EFCAB11: variants seen among roughly 807,000 people sequenced by gnomAD.
EFCAB11 encodes EF-hand calcium binding domain 11.
EFCAB11 carries 14 observed loss-of-function variants against 23.0 expected under a neutral mutation model. The observed-to-expected ratio is 0.61, with a 90% confidence interval of 0.40 to 0.95. The LOEUF is 0.95. EFCAB11 is among the 40% of genes least tolerant of loss of function. The probability of loss-of-function intolerance (pLI) is 0.00; values close to 1 mark genes in which losing one functional copy is unlikely to be tolerated. For synonymous variants in EFCAB11, 65 were observed against 66.6 expected (o/e 0.98, Z 0.11); for missense variants, 198 against 195.8 (o/e 1.01, Z -0.07).
In EFCAB11 at chr14:89,876,998, C is replaced by G. The variant is rs1888461167; in HGVS notation, c.410+54543G>C. Among the ~76,000 whole-genome samples the G allele has an allele frequency of 2.6e-5, 4 of 152,134 alleles. No individual in the cohort carries two copies. The South Asian group carries it at 8.3e-4, about 32-fold the overall frequency. ...GGATAGGTCAGAGAGGCATGTTTGA[C>G]TGAGATAGTCAGAGTACTATCTACT... is the stretch of plus-strand genomic sequence containing the variant. On this transcript the variant is annotated intron_variant, in intron 5 of 5. Transcript: ENST00000316738.
intron 5 of EFCAB11, among the ~76,000 whole-genome samples, chr14:89,910,743 A>G (rs1889651385): frequency 6.6e-6 from 1 of 152,206 alleles, no homozygotes; most frequent in South Asian, 2.1e-4. Context: ...GAGTGTTGCC[A>G]GCTTCACTCG....
At chr14:89,841,500 C>T (rs932803022) in intron 5 of EFCAB11, among the ~76,000 whole-genome samples, 5 of 151,866 alleles carry the variant, frequency 3.3e-5, no homozygotes, top group East Asian at 1.9e-4. Context: ...CCTACTGGAG[C>T]GTGCCATTCT....
intron 5 of EFCAB11, among the ~76,000 whole-genome samples, chr14:89,881,452 C>CATATATATATATATATATATACATAT (rs10530483): frequency 0.095 from 4,441 of 46,708 alleles, 746 homozygotes; most frequent in African/African-American, 0.19. Context: ...TATGACTTGG[C>CATATATATATATATATATATACATAT]ATATATATAT....
chr14:89,882,400 T>C (rs2140177236), intron 5 of EFCAB11, among the ~76,000 whole-genome samples: 1 of 152,290 alleles, frequency 6.6e-6, no homozygotes, highest in Non-Finnish European at 1.5e-5. Flanking sequence ...TTCCCCACCA[T>C]GGACAAAGAA....
intron 5 of EFCAB11, among the ~76,000 whole-genome samples, chr14:89,848,183 A>G (rs1328034879): frequency 1.3e-5 from 2 of 152,210 alleles, no homozygotes; most frequent in African/African-American, 2.4e-5. Context: ...CATTTCACAT[A>G]TAAGGAAACT....
At chr14:89,886,300 G>C (rs1334511039) in intron 5 of EFCAB11, among the ~76,000 whole-genome samples, 1 of 151,998 alleles carries the variant, frequency 6.6e-6, no homozygotes, top group South Asian at 2.1e-4. Flanking sequence ...GGTGGATCAC[G>C]AGGTCAGGAG....
intron 5 of EFCAB11, among the ~76,000 whole-genome samples, chr14:89,858,419 T>G (rs1887820201): frequency 1.3e-5 from 2 of 152,194 alleles, no homozygotes; most frequent in Admixed American, 6.5e-5. Flanking sequence ...CAGCTGAGTG[T>G]CAGGGAAATT....
intron 5 of EFCAB11, among the ~76,000 whole-genome samples, chr14:89,857,963 T>A (rs1887806571): frequency 6.6e-6 from 1 of 152,196 alleles, no homozygotes; most frequent in South Asian, 2.1e-4. Flanking sequence ...AGAAACTACA[T>A]AAATAACTTG....
rs572861017 is a variant in EFCAB11 at position 89,924,558 on chromosome 14, A to C, written c.410+6983T>G. On this transcript the variant is annotated intron_variant, in intron 5 of 5. Coordinates refer to ENST00000316738, the MANE Select transcript of EFCAB11 (RefSeq NM_145231.4). ...TAGGCATGGAGAAGTAAACATATCC[A>C]TGCAGAGAAAAATGCCAGCCAGAAA... is the stretch of plus-strand genomic sequence containing the variant. 1.6e-5 allele frequency: 25 copies of C among 1,525,676 alleles called. No homozygotes were observed. In the South Asian group the frequency reaches 2.8e-4, roughly 17 times the overall value. The allele number at this position is 1,525,676 out of a possible 1,614,324, so 94.5% of individuals were successfully genotyped here.
chr14:89,911,168 T>C (rs188258535), intron 5 of EFCAB11, among the ~76,000 whole-genome samples: 1 of 152,038 alleles, frequency 6.6e-6, no homozygotes, highest in East Asian at 1.9e-4. Context: ...ACATGAAAAT[T>C]TGGGGAAAAA....
chr14:89,954,727 G>A lies in EFCAB11; in HGVS notation c.-67C>T. 1.3e-6 allele frequency: 2 copies of A among 1,557,036 alleles called. No individual in the cohort carries two copies. Among genetic ancestry groups the A allele is most frequent in the Non-Finnish European group, 1.7e-6 (2 of 1,154,746 alleles). ...CACCGCTTTCCCAGCCTGGCTGGCA[G>A]CCTACCGCGGCCACGCCCACCGCGG... On this transcript the variant is annotated 5_prime_UTR_variant, in exon 1 of 6. Coordinates refer to ENST00000316738, the MANE Select transcript of EFCAB11 (RefSeq NM_145231.4).
At chr14:89,922,398 G>A (rs933806433) in intron 5 of EFCAB11, among the ~76,000 whole-genome samples, 2 of 152,136 alleles carry the variant, frequency 1.3e-5, no homozygotes, top group Admixed American at 6.5e-5. Context: ...GATAGATGAC[G>A]CCACCAGTGA....
At chr14:89,838,397 T>C (rs1446562218) in intron 5 of EFCAB11, among the ~76,000 whole-genome samples, 6 of 150,888 alleles carry the variant, frequency 4.0e-5, no homozygotes, top group Admixed American at 1.3e-4. Flanking sequence ...AACTGGAATG[T>C]ATAACTGTGG....
At chr14:89,953,766 TA>T (rs1186764593) in intron 2 of EFCAB11, 139 bp downstream of exon 2, 14 of 622,640 alleles carry the variant, frequency 2.2e-5, no homozygotes, top group Admixed American at 6.3e-5. Flanking sequence ...AAGAGGAAGC[TA>T]AAATTCAGCA....
intron 5 of EFCAB11, among the ~76,000 whole-genome samples, chr14:89,917,601 C>A (rs189378372): frequency 6.6e-6 from 1 of 152,134 alleles, no homozygotes; most frequent in Non-Finnish European, 1.5e-5. Context: ...TCTACTCCAT[C>A]ATTATCATTA....
chr14:89,874,432 T>C (rs1888372411), intron 5 of EFCAB11, among the ~76,000 whole-genome samples: 1 of 152,224 alleles, frequency 6.6e-6, no homozygotes, highest in Non-Finnish European at 1.5e-5. Context: ...CCTTGTTATT[T>C]ATGCAAATTT....
chr14:89,809,799 C>T (rs1306062662), intron 5 of EFCAB11, among the ~76,000 whole-genome samples: 1 of 152,078 alleles, frequency 6.6e-6, no homozygotes, highest in African/African-American at 2.4e-5. Context: ...CTCCCTCCCC[C>T]CGTCAATGGC....
chr14:89,836,727 A>G, intron 5 of EFCAB11: 1 of 452,418 alleles, frequency 2.2e-6, no homozygotes, highest in South Asian at 1.6e-5. Context: ...ATGTTTAAAT[A>G]TATAGACATG....
At chr14:89,856,797 T>C (rs1393126523) in intron 5 of EFCAB11, among the ~76,000 whole-genome samples, 1 of 152,240 alleles carries the variant, frequency 6.6e-6, no homozygotes, top group Non-Finnish European at 1.5e-5. Flanking sequence ...TTTTCTACTA[T>C]TGAGTTGTAT....
Sources: gnomAD v4.1 joint callset for allele counts (sites outside exome capture counted in the v4.1 genomes callset) on GRCh38, gnomAD v4.1.1 for gene constraint, MANE v1.5 for transcripts, NCBI Gene and HGNC (gene_info 2026-07-23, HGNC 2026-07-21) for gene names.